Variants in MALRD1 observed in about 807,000 individuals in gnomAD.
MALRD1 encodes the protein MAM and LDL-receptor class A domain-containing protein 1.
Under a neutral mutation model 242.1 loss-of-function variants are expected in MALRD1, and 247 were observed. That is an observed-to-expected ratio of 1.02 (90% CI 0.92 to 1.13). The LOEUF is 1.13. MALRD1 is among the 50% of genes most tolerant of loss of function. The pLI, the probability that MALRD1 is intolerant of heterozygous loss-of-function variation, is 0.00. For missense variants in MALRD1, 2,989 were observed against 2,533.1 expected, an observed-to-expected ratio of 1.18 and a Z score of -3.86; for synonymous variants, 995 against 866.6, an observed-to-expected ratio of 1.15 and a Z score of -2.60.
Position 19,614,861 on chromosome 10 carries a change from A to G in MALRD1, c.6071-996A>G, listed in dbSNP as rs12249095. Among the ~76,000 whole-genome samples the G allele has an allele frequency of 3.9e-3, 590 of 152,172 alleles. 3 individuals are homozygous for G. Among genetic ancestry groups the G allele is most frequent in the African/African-American group, 0.014 (566 of 41,546 alleles). Reference sequence around the variant, plus strand: ...CATGCTCATAAGTGAGTGACTTATCAAAAAAGGCTTTTGCCTGCCATGACA... The same window carrying G: ...CATGCTCATAAGTGAGTGACTTATCGAAAAAGGCTTTTGCCTGCCATGACA... On this transcript the variant is annotated intron_variant, in intron 35 of 39. Transcript: ENST00000454679.
At chr10:19,210,861 G>T (rs998068244) in intron 18 of MALRD1, among the ~76,000 whole-genome samples, 1 of 152,108 alleles carries the variant, frequency 6.6e-6, no homozygotes, top group African/African-American at 2.4e-5. Context: ...GGATGAGAAT[G>T]AATCCCCCAT....
chr10:19,587,589 A>G (rs907273276), intron 33 of MALRD1, among the ~76,000 whole-genome samples: 14 of 152,242 alleles, frequency 9.2e-5, no homozygotes, highest in Non-Finnish European at 1.8e-4. Flanking sequence ...TATCAGTGTG[A>G]TGTAATTTTT....
intron 36 of MALRD1, among the ~76,000 whole-genome samples, chr10:19,645,990 GT>G (rs1840640216): frequency 1.3e-5 from 2 of 152,184 alleles, no homozygotes; most frequent in South Asian, 4.1e-4. Flanking sequence ...GTTTGCCTTT[GT>G]TTTTGTTCTT....
At chr10:19,174,288 C>T (rs1237078474) in intron 13 of MALRD1, among the ~76,000 whole-genome samples, 1 of 152,078 alleles carries the variant, frequency 6.6e-6, no homozygotes, top group Non-Finnish European at 1.5e-5. Flanking sequence ...GGCTGGCTCT[C>T]ACAAAGGAAA....
chr10:19,147,442 C>T (rs1190223678), intron 11 of MALRD1, among the ~76,000 whole-genome samples: 2 of 152,116 alleles, frequency 1.3e-5, no homozygotes, highest in South Asian at 2.1e-4. Flanking sequence ...TGTGCCATGA[C>T]TCATTTCTTT....
Position 19,498,496 on chromosome 10 carries a change from AGC to A in MALRD1, c.5171_5172del (p.Ser1724AsnfsTer8). 1.1e-5 allele frequency: 17 copies of A among 1,550,046 alleles called. No homozygotes were observed. Among genetic ancestry groups the A allele is most frequent in the Non-Finnish European group, 1.5e-5 (17 of 1,146,602 alleles). On this transcript the variant is annotated frameshift_variant, in exon 31 of 40. Coordinates refer to ENST00000454679, the MANE Select transcript of MALRD1 (RefSeq NM_001142308.3). LOFTEE classifies it high-confidence loss of function. Reference sequence around the variant, plus strand: ...TTTTGCTTCCCCAGCACATTATACAAGCACAACAGGAAGCTGCAATTTTGAAA... The same window carrying A: ...TTTTGCTTCCCCAGCACATTATACAAACAACAGGAAGCTGCAATTTTGAAA... ...SDEAHCAHYT[S>X]TTGSCNFETS...
At chr10:19,403,036 A>G (rs1205510653) in intron 28 of MALRD1, among the ~76,000 whole-genome samples, 1 of 152,164 alleles carries the variant, frequency 6.6e-6, no homozygotes, top group Non-Finnish European at 1.5e-5. Flanking sequence ...GTGCTTAAAG[A>G]AGCTTAACTA....
intron 26 of MALRD1, among the ~76,000 whole-genome samples, chr10:19,369,250 A>C (rs1025963496): frequency 4.8e-5 from 7 of 146,700 alleles, no homozygotes; most frequent in Non-Finnish European, 1.0e-4. Context: ...ATATTTAAAT[A>C]TACACTTATG....
intron 4 of MALRD1, among the ~76,000 whole-genome samples, chr10:19,095,615 G>C (rs1345560841): frequency 6.6e-6 from 1 of 152,162 alleles, no homozygotes; most frequent in Non-Finnish European, 1.5e-5. Flanking sequence ...GTTAAGGGAA[G>C]ATGATTGATA....
intron 34 of MALRD1, among the ~76,000 whole-genome samples, chr10:19,596,256 C>T (rs1838094076): frequency 6.6e-6 from 1 of 152,082 alleles, no homozygotes; most frequent in Non-Finnish European, 1.5e-5. Flanking sequence ...CCAAACACCC[C>T]TAACATTTTA....
intron 31 of MALRD1, among the ~76,000 whole-genome samples, chr10:19,513,830 TG>T (rs1833514926): frequency 6.6e-6 from 1 of 152,210 alleles, no homozygotes; most frequent in Non-Finnish European, 1.5e-5. Flanking sequence ...ATTTCAGTAT[TG>T]GCTGACTTAA....
intron 31 of MALRD1, among the ~76,000 whole-genome samples, chr10:19,524,523 A>G (rs904135913): frequency 2.0e-5 from 3 of 152,102 alleles, no homozygotes; most frequent in Non-Finnish European, 2.9e-5. Flanking sequence ...ATGAAAGCAC[A>G]AAAAGAGATT....
chr10:19,244,608 T>C (rs1446464474), intron 18 of MALRD1, among the ~76,000 whole-genome samples: 2 of 152,146 alleles, frequency 1.3e-5, no homozygotes, highest in South Asian at 4.1e-4. Context: ...TCTATTTCTA[T>C]GTGATTCAAA....
intron 36 of MALRD1, among the ~76,000 whole-genome samples, chr10:19,663,874 C>G (rs909312774): frequency 2.6e-5 from 4 of 152,106 alleles, no homozygotes; most frequent in South Asian, 4.1e-4. Context: ...CTAGCTTTGA[C>G]CAGTGTTTTT....
chr10:19,216,446 C>A (rs1837318362), intron 18 of MALRD1, among the ~76,000 whole-genome samples: 1 of 151,954 alleles, frequency 6.6e-6, no homozygotes, highest in South Asian at 2.1e-4. Flanking sequence ...TTCCTCCTCT[C>A]TCATTCCCAT....
At chr10:19,414,043 A>T (rs1163331866) in intron 28 of MALRD1, among the ~76,000 whole-genome samples, 1 of 151,574 alleles carries the variant, frequency 6.6e-6, no homozygotes, top group Non-Finnish European at 1.5e-5. Context: ...CAGTTTCCAA[A>T]AAACAAAAAA....
At chr10:19,223,935 ATC>A (rs1158522081) in intron 18 of MALRD1, among the ~76,000 whole-genome samples, 1 of 152,170 alleles carries the variant, frequency 6.6e-6, no homozygotes, top group Non-Finnish European at 1.5e-5. Context: ...CATATTCTTT[ATC>A]CAGTCTATCA....
At chr10:19,142,830 T>C (rs1038503398) in intron 10 of MALRD1, among the ~76,000 whole-genome samples, 2 of 152,256 alleles carry the variant, frequency 1.3e-5, no homozygotes, top group African/African-American at 2.4e-5. Flanking sequence ...CAGATATTTA[T>C]AAGTTCACTT....
At chr10:19,152,658 G>T (rs982218860) in intron 11 of MALRD1, among the ~76,000 whole-genome samples, 1 of 151,984 alleles carries the variant, frequency 6.6e-6, no homozygotes, top group African/African-American at 2.4e-5. Flanking sequence ...ATAAGTAATT[G>T]TGTAATATAT....
Sources: gnomAD v4.1 joint callset for allele counts (sites outside exome capture counted in the v4.1 genomes callset) on GRCh38, gnomAD v4.1.1 for gene constraint, MANE v1.5 for transcripts, NCBI Gene and HGNC (gene_info 2026-07-23, HGNC 2026-07-21) for gene names.